The following PTPRT variants were observed in gnomAD, a reference collection of about 807,000 sequenced individuals.
PTPRT encodes the protein receptor-type tyrosine-protein phosphatase T.
PTPRT carries 56 observed loss-of-function variants against 176.8 expected under a neutral mutation model. The observed-to-expected ratio is 0.32, with a 90% CI of 0.26 to 0.40. PTPRT has a LOEUF of 0.40. Ranked by LOEUF, PTPRT falls within the 10% of genes least tolerant of loss-of-function variation. PTPRT has a pLI of 1.00. For synonymous variants in PTPRT, 783 were observed against 739.0 expected (o/e 1.06, Z -0.96); for missense variants, 1,540 against 1,908.2 (o/e 0.81, Z 3.60).
At chr20:42,896,953 C>G (rs1216425048) in intron 1 of PTPRT, among the ~76,000 whole-genome samples, 2 of 152,118 alleles carry the variant, frequency 1.3e-5, no homozygotes, top group African/African-American at 4.8e-5. Context: ...AATTCCTTTT[C>G]TGAATATATA....
the PTPRT span, among the ~76,000 whole-genome samples, chr20:42,033,403 G>A: frequency 6.6e-6 from 1 of 152,086 alleles, no homozygotes; most frequent in Non-Finnish European, 1.5e-5. Context: ...GCATGATTAA[G>A]GGGCTTACTG....
chr20:42,350,507 CGAG>C, intron 11 of PTPRT, 118 bp downstream of exon 11: 2 of 852,790 alleles, frequency 2.3e-6, no homozygotes, highest in Non-Finnish European at 3.8e-6. Context: ...CTCCTTCCTC[CGAG>C]GAAGCTTTGT....
chr20:42,924,107 G>A (rs1469716914), intron 1 of PTPRT, among the ~76,000 whole-genome samples: 7 of 152,036 alleles, frequency 4.6e-5, no homozygotes, highest in Non-Finnish European at 1.0e-4. Flanking sequence ...CACCCACCTC[G>A]GCTTCCCAAA....
At chr20:42,400,641 G>A (rs2058896277) in intron 9 of PTPRT, among the ~76,000 whole-genome samples, 1 of 152,124 alleles carries the variant, frequency 6.6e-6, no homozygotes. Context: ...AATTGTCTTT[G>A]CAAAGGTGAG....
rs114294672 is a variant in PTPRT, at chr20:42,625,479, T to C, written c.1153+52387A>G. 4.1e-3 allele frequency among the ~76,000 whole-genome samples: 616 copies of C among 152,062 alleles called. 4 individuals are homozygous for C. In the Middle Eastern group the frequency reaches 0.041, roughly 10 times the overall value. Reference sequence around the variant, plus strand: ...TTCTTTCTGTGAAATTGAGTCTGGGTAGCAGACTGTTCCTCCATCTGAGTG... The same window carrying C: ...TTCTTTCTGTGAAATTGAGTCTGGGCAGCAGACTGTTCCTCCATCTGAGTG... On this transcript the variant is annotated intron_variant, in intron 7 of 30. Transcript: ENST00000373187.
chr20:42,635,838 G>A (rs1056940363), intron 7 of PTPRT, among the ~76,000 whole-genome samples: 1 of 152,112 alleles, frequency 6.6e-6, no homozygotes, highest in African/African-American at 2.4e-5. Flanking sequence ...CTGCTGAATA[G>A]TATCTGTAAA....
chr20:42,684,710 A>C (rs2075662135), intron 6 of PTPRT, among the ~76,000 whole-genome samples: 1 of 152,232 alleles, frequency 6.6e-6, no homozygotes, highest in Non-Finnish European at 1.5e-5. Context: ...GCTTAAGTAC[A>C]TACTGGCAAT....
chr20:42,230,741 T>A lies in PTPRT; in HGVS notation c.2342+5488A>T, dbSNP rs113852073. On this transcript the variant is annotated intron_variant, in intron 15 of 30. Coordinates refer to ENST00000373187, the MANE Select transcript of PTPRT (RefSeq NM_007050.6). ...ATGAGTGTTCCAGGTGGAAACAATC[T>A]CACAGGAGAGGCAAACCTAGAATTG... Among the ~76,000 whole-genome samples the A allele has an allele frequency of 1.3e-4, 20 of 152,284 alleles. 2 individuals carry two copies. The highest frequency in any genetic ancestry group is 4.8e-4 in the African/African-American group (20 of 41,564).
intron 6 of PTPRT, among the ~76,000 whole-genome samples, chr20:42,716,855 C>T (rs1318308065): frequency 2.0e-5 from 3 of 152,022 alleles, no homozygotes; most frequent in Non-Finnish European, 4.4e-5. Context: ...ACTATGCAGC[C>T]ATAAAAAATG....
At chr20:42,554,644 C>T (rs963743873) in intron 7 of PTPRT, among the ~76,000 whole-genome samples, 8 of 152,066 alleles carry the variant, frequency 5.3e-5, no homozygotes, top group Admixed American at 4.6e-4. Context: ...TGGAACCACT[C>T]GCATTTTTGA....
intron 1 of PTPRT, among the ~76,000 whole-genome samples, chr20:43,069,289 T>C (rs1345566004): frequency 2.0e-5 from 3 of 152,192 alleles, no homozygotes; most frequent in African/African-American, 7.2e-5. Flanking sequence ...TTCGTAGCCA[T>C]GCCTTGATGT....
chr20:43,147,020 G>A (rs1320623562), intron 1 of PTPRT, among the ~76,000 whole-genome samples: 1 of 152,170 alleles, frequency 6.6e-6, no homozygotes, highest in Non-Finnish European at 1.5e-5. Context: ...TTCCACTGAA[G>A]CATCAGTGAT....
chr20:43,039,090 A>T (rs187206966), intron 1 of PTPRT, among the ~76,000 whole-genome samples: 1 of 152,280 alleles, frequency 6.6e-6, no homozygotes, highest in East Asian at 1.9e-4. Flanking sequence ...ATTACTCTAA[A>T]GTTTTTCTGG....
chr20:42,201,917 A>T (rs1355237335), intron 15 of PTPRT, among the ~76,000 whole-genome samples: 1 of 147,584 alleles, frequency 6.8e-6, no homozygotes, highest in Non-Finnish European at 1.5e-5. Flanking sequence ...GGGGAACTGG[A>T]TCCAGGAATC....
chr20:42,667,379 T>C (rs552083569), intron 7 of PTPRT, among the ~76,000 whole-genome samples: 1 of 152,280 alleles, frequency 6.6e-6, no homozygotes, highest in South Asian at 2.1e-4. Flanking sequence ...CAAAACAAGC[T>C]CAACACTATA....
At chr20:42,619,078 C>T (rs1174204377) in intron 7 of PTPRT, among the ~76,000 whole-genome samples, 1 of 151,054 alleles carries the variant, frequency 6.6e-6, no homozygotes, top group African/African-American at 2.5e-5. Flanking sequence ...GCGGCTGGTA[C>T]CGGTTGCTCC....
chr20:42,911,539 A>C (rs192302268), intron 1 of PTPRT, among the ~76,000 whole-genome samples: 2 of 152,294 alleles, frequency 1.3e-5, no homozygotes, highest in East Asian at 1.9e-4. Flanking sequence ...GGTGTAGTTA[A>C]CATCTGGAAA....
At chr20:43,184,100 A>G (rs1452897351) in intron 1 of PTPRT, among the ~76,000 whole-genome samples, 1 of 152,240 alleles carries the variant, frequency 6.6e-6, no homozygotes, top group Admixed American at 6.5e-5. Flanking sequence ...AAGTGACTCC[A>G]CCATTTTTTA....
intron 7 of PTPRT, among the ~76,000 whole-genome samples, chr20:42,519,974 A>AT (rs1326006900): frequency 6.6e-6 from 1 of 152,024 alleles, no homozygotes; most frequent in Non-Finnish European, 1.5e-5. Context: ...TGACTAGTGA[A>AT]TTTATCCTTT....
Sources: allele counts gnomAD v4.1 joint callset (sites outside exome capture counted in the v4.1 genomes callset), GRCh38; gene constraint gnomAD v4.1.1; transcripts MANE v1.5; gene names NCBI Gene and HGNC (gene_info 2026-07-23, HGNC 2026-07-21).